The following NAALADL2 variants were observed in gnomAD, a reference collection of about 807,000 sequenced individuals.
The protein encoded by NAALADL2 is inactive N-acetylated-alpha-linked acidic dipeptidase-like protein 2.
A neutral mutation model predicts 87.2 loss-of-function variants in NAALADL2; 76 were observed. The observed-to-expected ratio is 0.87, with a 90% confidence interval of 0.72 to 1.05. The LOEUF (loss-of-function observed/expected upper bound fraction) is 1.05. Ranked by LOEUF, NAALADL2 falls within the 50% of genes least tolerant of loss-of-function variation. NAALADL2 has a pLI of 0.00. For synonymous variants in NAALADL2, 354 were observed against 331.0 expected (o/e 1.07, Z -0.75); for missense variants, 1,089 against 945.8 (o/e 1.15, Z -1.99).
chr3:174,557,324 GT>G (rs1712959016), intron 2 of NAALADL2, among the ~76,000 whole-genome samples: 1 of 152,002 alleles, frequency 6.6e-6, no homozygotes, highest in Non-Finnish European at 1.5e-5. Flanking sequence ...ATATAGCACT[GT>G]GAACATAAAA....
chr3:175,676,666 A>G (rs1734832406), intron 11 of NAALADL2: 1 of 151,992 alleles, frequency 6.6e-6, no homozygotes, highest in African/African-American at 2.4e-5. Flanking sequence ...CTCAAATTTG[A>G]TATTTCATCA....
chr3:175,693,459 G>A (rs746803863), intron 11 of NAALADL2, among the ~76,000 whole-genome samples: 16 of 152,066 alleles, frequency 1.1e-4, no homozygotes, highest in Admixed American at 7.2e-4. Context: ...AGATATTACT[G>A]ACCAGGACCC....
At chr3:175,363,650 T>G (rs1362524599) in intron 5 of NAALADL2, among the ~76,000 whole-genome samples, 1 of 148,154 alleles carries the variant, frequency 6.7e-6, no homozygotes, top group Non-Finnish European at 1.5e-5. Flanking sequence ...CATTCTCTTT[T>G]ACATTATTTT....
chr3:174,940,197 T>G (rs1334306883), intron 1 of NAALADL2, among the ~76,000 whole-genome samples: 2 of 152,138 alleles, frequency 1.3e-5, no homozygotes, highest in Non-Finnish European at 2.9e-5. Context: ...TCGATATAGT[T>G]TATTGAGAGT....
At chr3:175,702,416 A>G (rs529854104) in intron 11 of NAALADL2, among the ~76,000 whole-genome samples, 2 of 152,302 alleles carry the variant, frequency 1.3e-5, no homozygotes, top group African/African-American at 4.8e-5. Context: ...CATTTAATCA[A>G]AACATCTTAA....
chr3:174,544,566 TC>T (rs371091066), intron 1 of NAALADL2, among the ~76,000 whole-genome samples: 14 of 141,954 alleles, frequency 9.9e-5, no homozygotes, highest in African/African-American at 2.4e-4. Flanking sequence ...TTTTTTGTTT[TC>T]TTTTTTTTTT....
chr3:174,779,090 C>T (rs942534170), intron 3 of NAALADL2, among the ~76,000 whole-genome samples: 10 of 152,340 alleles, frequency 6.6e-5, no homozygotes, highest in African/African-American at 1.4e-4. Context: ...TTTACACTCT[C>T]ACCAACATTG....
chr3:174,466,551 T>G (rs1716546694), intron 1 of NAALADL2, among the ~76,000 whole-genome samples: 1 of 152,150 alleles, frequency 6.6e-6, no homozygotes, highest in Non-Finnish European at 1.5e-5. Flanking sequence ...ACATTTAAAT[T>G]GTATCATGTT....
At chr3:175,209,001 T>C (rs1425061243) in intron 2 of NAALADL2, among the ~76,000 whole-genome samples, 2 of 152,164 alleles carry the variant, frequency 1.3e-5, no homozygotes, top group Non-Finnish European at 2.9e-5. Context: ...CAAAATTATA[T>C]TGTTTACAAA....
At chr3:174,959,249 T>C (rs1463768585) in intron 1 of NAALADL2, among the ~76,000 whole-genome samples, 1 of 152,094 alleles carries the variant, frequency 6.6e-6, no homozygotes, top group African/African-American at 2.4e-5. Flanking sequence ...ATGATGTTAC[T>C]GGTAAACTGT....
intron 1 of NAALADL2, among the ~76,000 whole-genome samples, chr3:174,947,105 T>C (rs1739547678): frequency 6.6e-6 from 1 of 152,188 alleles, no homozygotes; most frequent in Non-Finnish European, 1.5e-5. Flanking sequence ...TAGAGCATCA[T>C]AACTTATCTA....
chr3:174,859,602 G>A (rs946297066), intron 1 of NAALADL2, among the ~76,000 whole-genome samples, 152 bp downstream of exon 1: 5 of 152,080 alleles, frequency 3.3e-5, no homozygotes, highest in South Asian at 2.1e-4. Flanking sequence ...TGTTTTCTGC[G>A]AGCGAGAAAA....
intron 11 of NAALADL2, chr3:175,675,849 CAATT>C (rs987823846): frequency 2.0e-5 from 3 of 152,042 alleles, no homozygotes; most frequent in African/African-American, 4.8e-5. Flanking sequence ...TTTCATTAGA[CAATT>C]AAGTTTTTCA....
intron 4 of NAALADL2, among the ~76,000 whole-genome samples, chr3:175,316,499 G>A (rs1341832020): frequency 6.6e-6 from 1 of 152,148 alleles, no homozygotes; most frequent in Non-Finnish European, 1.5e-5. Flanking sequence ...GAAGTTCAGT[G>A]TCAGGAAATC....
At chr3:175,205,084 A>C (rs1013901548) in intron 2 of NAALADL2, among the ~76,000 whole-genome samples, 1 of 152,190 alleles carries the variant, frequency 6.6e-6, no homozygotes, top group Non-Finnish European at 1.5e-5. Flanking sequence ...ATCATTCTTC[A>C]AAGAACTAGA....
chr3:175,082,395 T>A (rs925256655), intron 1 of NAALADL2, among the ~76,000 whole-genome samples: 4 of 152,334 alleles, frequency 2.6e-5, no homozygotes, highest in African/African-American at 9.6e-5. Flanking sequence ...TGCAACTAAT[T>A]TGACTATCAT....
At chr3:174,951,152 T>A (rs1579687589) in intron 1 of NAALADL2, among the ~76,000 whole-genome samples, 1 of 152,112 alleles carries the variant, frequency 6.6e-6, no homozygotes, top group South Asian at 2.1e-4. Flanking sequence ...TACAACCCTA[T>A]TTTAGTTAGA....
intron 5 of NAALADL2, among the ~76,000 whole-genome samples, chr3:175,432,602 T>A (rs1366711719): frequency 6.6e-6 from 1 of 152,090 alleles, no homozygotes; most frequent in Non-Finnish European, 1.5e-5. Context: ...CATTTAATCA[T>A]GTTGATTCTT....
Position 175,217,406 on chromosome 3 carries a change from G to A in NAALADL2, c.546-16525G>A, listed in dbSNP as rs374642133. Among the ~76,000 whole-genome samples the A allele has an allele frequency of 3.1e-4, 47 of 152,268 alleles. No individual in the cohort carries two copies. The South Asian group carries it at 8.9e-3, about 29-fold the overall frequency. Reference sequence around the variant, plus strand: ...CGCTTTGTACCACTTCCTTGCTTAGGAATCAAATGTTTTTTATTGTGTTCA... The same window carrying A: ...CGCTTTGTACCACTTCCTTGCTTAGAAATCAAATGTTTTTTATTGTGTTCA... On this transcript the variant is annotated intron_variant, in intron 2 of 13. Coordinates refer to ENST00000454872, the MANE Select transcript of NAALADL2 (RefSeq NM_207015.3).
Sources: gnomAD v4.1 joint callset for allele counts (sites outside exome capture counted in the v4.1 genomes callset) on GRCh38, gnomAD v4.1.1 for gene constraint, MANE v1.5 for transcripts, NCBI Gene and HGNC (gene_info 2026-07-23, HGNC 2026-07-21) for gene names.